The following TOX variants were observed in gnomAD, a reference collection of about 807,000 sequenced individuals.
The protein encoded by TOX is thymocyte selection-associated high mobility group box protein TOX.
Under a neutral mutation model 53.7 loss-of-function variants are expected in TOX, and 11 were observed. The observed-to-expected ratio is 0.20, with a 90% CI of 0.13 to 0.34. The LOEUF (loss-of-function observed/expected upper bound fraction) is 0.34. TOX is among the 10% of genes least tolerant of loss of function. The pLI, the probability that TOX is intolerant of heterozygous loss-of-function variation, is 1.00. For missense variants in TOX, 570 were observed against 664.6 expected (o/e 0.86, Z 1.56); for synonymous variants, 225 against 245.3 (o/e 0.92, Z 0.77).
intron 7 of TOX, among the ~76,000 whole-genome samples, chr8:58,809,973 T>C (rs1264965902): frequency 1.3e-5 from 2 of 152,186 alleles, no homozygotes; most frequent in African/African-American, 4.8e-5. Flanking sequence ...TGATTAAATG[T>C]CAGGGATTTC....
chr8:59,028,561 G>A (rs1213313113), intron 1 of TOX, among the ~76,000 whole-genome samples: 7 of 151,612 alleles, frequency 4.6e-5, no homozygotes, highest in African/African-American at 1.7e-4. Flanking sequence ...ATAGATACAT[G>A]CATACATACA....
At chr8:58,823,095 G>A (rs1810308790) in intron 6 of TOX, among the ~76,000 whole-genome samples, 1 of 152,200 alleles carries the variant, frequency 6.6e-6, no homozygotes, top group Non-Finnish European at 1.5e-5. Flanking sequence ...ATTTCCATTG[G>A]AAGTTACAAA....
At chr8:58,910,237 A>G (rs927094887) in intron 3 of TOX, among the ~76,000 whole-genome samples, 1 of 152,254 alleles carries the variant, frequency 6.6e-6, no homozygotes, top group Non-Finnish European at 1.5e-5. Context: ...CTACACAAAT[A>G]TTATTGAGAT....
intron 1 of TOX, among the ~76,000 whole-genome samples, chr8:59,063,057 C>T (rs1804016393): frequency 6.6e-6 from 1 of 152,096 alleles, no homozygotes; most frequent in African/African-American, 2.4e-5. Flanking sequence ...AAAAATTCTT[C>T]AGAAAAGGCA....
intron 1 of TOX, among the ~76,000 whole-genome samples, chr8:59,049,429 T>C (rs898218355): frequency 7.9e-5 from 12 of 152,212 alleles, no homozygotes; most frequent in Non-Finnish European, 1.3e-4. Context: ...GCTGAAAAGA[T>C]CTAGAACTTC....
At chr8:58,938,841 A>T (rs1812388806) in intron 3 of TOX, among the ~76,000 whole-genome samples, 1 of 152,136 alleles carries the variant, frequency 6.6e-6, no homozygotes, top group South Asian at 2.1e-4. Flanking sequence ...AAACTGAAAA[A>T]TTTTTTCTTA....
At chr8:58,936,459 C>T (rs955991221) in intron 3 of TOX, among the ~76,000 whole-genome samples, 3 of 152,096 alleles carry the variant, frequency 2.0e-5, no homozygotes, top group African/African-American at 4.8e-5. Flanking sequence ...TTTTCACTGT[C>T]CAGAAGGACA....
chr8:59,024,721 C>T (rs1282935579), intron 1 of TOX, among the ~76,000 whole-genome samples: 1 of 151,800 alleles, frequency 6.6e-6, no homozygotes, highest in East Asian at 1.9e-4. Context: ...TTTTTAAAAA[C>T]TAACTTCTGT....
intron 1 of TOX, among the ~76,000 whole-genome samples, chr8:59,064,219 TTAACATATA>T (rs1022798944): frequency 8.7e-4 from 132 of 152,334 alleles, no homozygotes; most frequent in African/African-American, 2.8e-3. Context: ...TGCAAAGCTA[TTAACATATA>T]TAATGCACAT....
intron 1 of TOX, among the ~76,000 whole-genome samples, chr8:59,106,318 A>G (rs1012349782): frequency 1.5e-4 from 23 of 152,124 alleles, no homozygotes; most frequent in Non-Finnish European, 3.1e-4. Flanking sequence ...GGGGGGAAAA[A>G]AAAAGAAAGA....
At chr8:59,071,169 T>C (rs1804192418) in intron 1 of TOX, among the ~76,000 whole-genome samples, 1 of 152,156 alleles carries the variant, frequency 6.6e-6, no homozygotes, top group South Asian at 2.1e-4. Context: ...TAGTGTCTGA[T>C]TCACTGAGAT....
chr8:58,868,314 C>G (rs961748706), intron 3 of TOX, among the ~76,000 whole-genome samples: 3 of 152,150 alleles, frequency 2.0e-5, no homozygotes, highest in Non-Finnish European at 4.4e-5. Context: ...AGCATGCAAA[C>G]AGACTAATAG....
At chr8:59,107,046 T>TGCGG (rs35882293) in intron 1 of TOX, among the ~76,000 whole-genome samples, 1,116 of 58,022 alleles carry the variant, frequency 0.019, 77 homozygotes, top group Middle Eastern at 0.036. Context: ...AGCAGTTTGC[T>TGCGG]GGGGGGGGGG....
intron 1 of TOX, among the ~76,000 whole-genome samples, chr8:59,061,631 T>C (rs1803986011): frequency 6.6e-6 from 1 of 151,974 alleles, no homozygotes; most frequent in African/African-American, 2.4e-5. Flanking sequence ...ACCAGTTTCA[T>C]AGTTGGTGGC....
chr8:58,910,147 T>C (rs1377701619), intron 3 of TOX, among the ~76,000 whole-genome samples: 2 of 152,144 alleles, frequency 1.3e-5, no homozygotes, highest in African/African-American at 4.8e-5. Context: ...TCAGGAACTT[T>C]TGAAGTTATT....
chr8:59,096,325 T>C (rs1378052932), intron 1 of TOX, among the ~76,000 whole-genome samples: 2 of 152,208 alleles, frequency 1.3e-5, no homozygotes, highest in Non-Finnish European at 2.9e-5. Flanking sequence ...CAGTAACCCA[T>C]CTTAACTTCT....
chr8:59,016,247 T>C (rs1292941494), intron 1 of TOX, among the ~76,000 whole-genome samples: 1 of 152,154 alleles, frequency 6.6e-6, no homozygotes, highest in African/African-American at 2.4e-5. Context: ...CAGTTAAAAA[T>C]AATAAAAACA....
intron 1 of TOX, among the ~76,000 whole-genome samples, chr8:58,973,286 C>T (rs1048903175): frequency 6.6e-6 from 1 of 152,150 alleles, no homozygotes. Context: ...GGGCAATGAA[C>T]CTGCATTTGT....
chr8:58,948,133 C>T (rs1226968590), intron 2 of TOX, among the ~76,000 whole-genome samples: 3 of 152,220 alleles, frequency 2.0e-5, no homozygotes, highest in African/African-American at 4.8e-5. Context: ...GACACTGGCT[C>T]TTCCTGGGAC....
Sources: gnomAD v4.1 joint callset for allele counts (sites outside exome capture counted in the v4.1 genomes callset) on GRCh38, gnomAD v4.1.1 for gene constraint, MANE v1.5 for transcripts, NCBI Gene and HGNC (gene_info 2026-07-23, HGNC 2026-07-21) for gene names.